The following TYW1 variants were observed in gnomAD, a reference collection of about 807,000 sequenced individuals.
TYW1 encodes S-adenosyl-L-methionine-dependent tRNA 4-demethylwyosine synthase TYW1.
A neutral mutation model predicts 96.2 loss-of-function variants in TYW1; 46 were observed. The observed-to-expected ratio is 0.48, with a 90% CI of 0.38 to 0.61. TYW1 has a LOEUF of 0.61. Ranked by LOEUF, TYW1 falls within the 20% of genes least tolerant of loss-of-function variation. The pLI is 0.00. For synonymous variants in TYW1, 274 were observed against 323.0 expected (o/e 0.85, Z 1.63); for missense variants, 684 against 909.6 (o/e 0.75, Z 3.19).
intron 13 of TYW1, 43 bp downstream of exon 13, chr7:67,117,661 G>A (rs1215052109): frequency 6.4e-7 from 1 of 1,553,874 alleles, no homozygotes; most frequent in African/African-American, 1.4e-5. Flanking sequence ...CAACCCTCAG[G>A]TGTGTACTGA....
chr7:67,037,779 G>A (rs928062589), intron 7 of TYW1, among the ~76,000 whole-genome samples: 1 of 151,986 alleles, frequency 6.6e-6, no homozygotes, highest in African/African-American at 2.4e-5. Flanking sequence ...ACCAGCCTCG[G>A]CAACATAGCA....
intron 15 of TYW1, among the ~76,000 whole-genome samples, chr7:67,222,128 T>C (rs574055286): frequency 3.1e-4 from 47 of 151,962 alleles, no homozygotes; most frequent in Non-Finnish European, 1.3e-4. Context: ...ACCTGGGAGG[T>C]GGAAGTTGCA....
intron 10 of TYW1, among the ~76,000 whole-genome samples, chr7:67,075,426 A>C (rs533462150): frequency 5.3e-5 from 8 of 152,356 alleles, no homozygotes; most frequent in Admixed American, 5.2e-4. Context: ...AGATATACAA[A>C]TGACCAGTAA....
intron 15 of TYW1, among the ~76,000 whole-genome samples, chr7:67,203,027 G>A (rs190111402): frequency 1.3e-5 from 2 of 152,318 alleles, no homozygotes; most frequent in East Asian, 3.9e-4. Context: ...TGTGTGTTTA[G>A]TTCTGTGCTG....
intron 15 of TYW1, among the ~76,000 whole-genome samples, chr7:67,229,043 T>C (rs1016897716): frequency 2.0e-5 from 3 of 152,172 alleles, no homozygotes; most frequent in African/African-American, 7.2e-5. Context: ...TGAGAAGGGA[T>C]GGAAGCTTGT....
chr7:67,067,922 T>C (rs1795916384), intron 10 of TYW1, among the ~76,000 whole-genome samples: 1 of 152,160 alleles, frequency 6.6e-6, no homozygotes, highest in Non-Finnish European at 1.5e-5. Context: ...TTTACAACAA[T>C]TGGGAATAGT....
intron 10 of TYW1, among the ~76,000 whole-genome samples, chr7:67,080,820 AATTC>A (rs1401837652): frequency 6.6e-6 from 1 of 151,898 alleles, no homozygotes; most frequent in Non-Finnish European, 1.5e-5. Context: ...TTTTTTTTAA[AATTC>A]ATTCAGCCAG....
chr7:67,159,414 T>A (rs940651678), intron 13 of TYW1, among the ~76,000 whole-genome samples: 24 of 152,252 alleles, frequency 1.6e-4, no homozygotes, highest in Non-Finnish European at 3.4e-4. Flanking sequence ...TGCACATTCT[T>A]ACATGATGAA....
At chr7:67,163,761 T>C (rs751226430) in intron 13 of TYW1, among the ~76,000 whole-genome samples, 2 of 151,816 alleles carry the variant, frequency 1.3e-5, no homozygotes, top group Non-Finnish European at 2.9e-5. Context: ...CTCCGCCTCC[T>C]GGGTTCAAGT....
chr7:67,148,632 T>C (rs1798687756), intron 13 of TYW1, among the ~76,000 whole-genome samples: 3 of 151,960 alleles, frequency 2.0e-5, no homozygotes, highest in African/African-American at 4.8e-5. Context: ...GGGGTTTCAC[T>C]GTGTTAGCCA....
At chr7:67,001,295 C>G (rs1404815475) in intron 3 of TYW1, among the ~76,000 whole-genome samples, 3 of 152,000 alleles carry the variant, frequency 2.0e-5, no homozygotes, top group Non-Finnish European at 4.4e-5. Context: ...TACAAACAGC[C>G]CTCAAGTCTC....
At position 67,223,202 on chromosome 7, in the gene TYW1, A is replaced by G. The variant is rs1801453069; in HGVS notation, c.1978-15106A>G. Among the ~76,000 whole-genome samples, 4 of 151,938 alleles carry G rather than the reference A, an allele frequency of 2.6e-5. No individual in the cohort carries two copies. In the South Asian group the frequency reaches 8.3e-4, roughly 31 times the overall value. On this transcript the variant is annotated intron_variant, in intron 15 of 15. Coordinates refer to ENST00000359626, the MANE Select transcript of TYW1 (RefSeq NM_018264.4). The stretch of plus-strand genomic sequence containing the variant: ...CAGGGTGAGTTTCTGTTGGATTTGT[A>G]GTTTTCTTTTGGATGGACCGTATAT...
intron 13 of TYW1, among the ~76,000 whole-genome samples, chr7:67,159,232 C>A (rs1264146663): frequency 1.3e-5 from 2 of 152,128 alleles, no homozygotes; most frequent in Non-Finnish European, 1.5e-5. Context: ...CTTAACCCAT[C>A]TACTATTAAA....
intron 7 of TYW1, among the ~76,000 whole-genome samples, chr7:67,048,270 G>A (rs1047472568): frequency 1.3e-5 from 2 of 150,808 alleles, no homozygotes; most frequent in African/African-American, 4.9e-5. Flanking sequence ...ATATTCTCAT[G>A]TTAAAGTAGA....
At chr7:67,149,669 C>G (rs545404960) in intron 13 of TYW1, among the ~76,000 whole-genome samples, 5 of 151,992 alleles carry the variant, frequency 3.3e-5, no homozygotes, top group Middle Eastern at 3.4e-3. Context: ...GTTTTAGAAT[C>G]TTTCTGATGT....
intron 8 of TYW1, among the ~76,000 whole-genome samples, chr7:67,052,903 G>A (rs1352920623): frequency 2.0e-5 from 3 of 151,694 alleles, no homozygotes; most frequent in Non-Finnish European, 4.4e-5. Flanking sequence ...TACCACGCCT[G>A]GCTAATTTTT....
chr7:67,206,102 C>T (rs566438038), intron 15 of TYW1, among the ~76,000 whole-genome samples: 2 of 152,320 alleles, frequency 1.3e-5, no homozygotes, highest in African/African-American at 4.8e-5. Context: ...TCCTAGTGAA[C>T]AGTAATGCCA....
intron 3 of TYW1, among the ~76,000 whole-genome samples, chr7:67,006,909 G>A (rs374546275): frequency 1.3e-4 from 19 of 144,728 alleles, no homozygotes; most frequent in Middle Eastern, 3.7e-3. Flanking sequence ...GGTACCACAT[G>A]GTGAGAGAGG....
intron 13 of TYW1, among the ~76,000 whole-genome samples, chr7:67,179,178 T>C (rs1174235072): frequency 1.5e-5 from 2 of 135,720 alleles, no homozygotes; most frequent in Admixed American, 1.5e-4. Context: ...GGCAGGCCAA[T>C]GCAAATAAAG....
Sources: allele counts gnomAD v4.1 joint callset (sites outside exome capture counted in the v4.1 genomes callset), GRCh38; gene constraint gnomAD v4.1.1; transcripts MANE v1.5; gene names NCBI Gene and HGNC (gene_info 2026-07-23, HGNC 2026-07-21).